Variants in CERS3 observed in about 807,000 individuals in gnomAD.
The protein encoded by CERS3 is ceramide synthase 3.
Under a neutral mutation model 50.3 loss-of-function variants are expected in CERS3, and 33 were observed. That is an observed-to-expected ratio of 0.66 (90% CI 0.50 to 0.88). CERS3 has a LOEUF of 0.88. Ranked by LOEUF, CERS3 falls within the 40% of genes least tolerant of loss-of-function variation. The pLI, the probability that CERS3 is intolerant of heterozygous loss-of-function variation, is 0.00. For missense variants in CERS3, 470 were observed against 460.3 expected (o/e 1.02, Z -0.19); for synonymous variants, 176 against 155.2 (o/e 1.13, Z -0.99).
intron 11 of CERS3, among the ~76,000 whole-genome samples, chr15:100,434,771 C>T (rs535010381): frequency 6.6e-6 from 1 of 152,336 alleles, no homozygotes. Flanking sequence ...CAAACTGTGC[C>T]TGTGCCCCGG....
At chr15:100,462,694 A>T (rs762362749) in intron 10 of CERS3, among the ~76,000 whole-genome samples, 3 of 152,092 alleles carry the variant, frequency 2.0e-5, no homozygotes, top group Admixed American at 1.3e-4. Context: ...AAGTACCTTA[A>T]CTCTTCATCT....
chr15:100,476,159 T>G lies in CERS3; in HGVS notation c.536A>C (p.Tyr179Ser), dbSNP rs771120213. The G allele has an allele frequency of 8.9e-6, 14 of 1,576,732 alleles. No homozygotes were observed. Among genetic ancestry groups the G allele is most frequent in the African/African-American group, 1.4e-5 (1 of 72,080 alleles). ...YPKQPLLPSQ[Y>S]WYYILEMSFY... ...ACTCATTTCTAAAATGTAGTACCAG[T>G]ACTGGGATGGCAGCAGGGGCTGAGG... The change falls in exon 8 of 12, where the codon TAC becomes TCC. Residue 179 changes from tyrosine to serine, a missense_variant. Tyr to Ser is a moderately radical substitution (Grantham distance 144, BLOSUM62 -2). Transcript: ENST00000679737.
At chr15:100,542,146 TC>T (rs1348220377) in intron 1 of CERS3, among the ~76,000 whole-genome samples, 1 of 152,016 alleles carries the variant, frequency 6.6e-6, no homozygotes, top group African/African-American at 2.4e-5. Flanking sequence ...TAAAAAAAAA[TC>T]TTTTATCAAA....
rs895569436 is a variant in CERS3 at position 100,476,142 on chromosome 15, C to T, written c.553G>A (p.Glu185Lys). The change falls in exon 8 of 12, where the codon GAA (glutamate) becomes AAA (lysine). Residue 185 changes from glutamate (E) to lysine (K), a missense_variant. By Grantham distance (56) the Glu-to-Lys change is moderately conservative. Transcript: ENST00000679737. ...LPSQYWYYIL[E>K]MSFYWSLLFR... ...AACAGAGACCAATAAAAACTCATTT[C>T]TAAAATGTAGTACCAGTACTGGGAT... The T allele has an allele frequency of 1.3e-6, 2 of 1,584,332 alleles. No individual in the cohort carries two copies. Among genetic ancestry groups the T allele is most frequent in the Non-Finnish European group, 1.7e-6 (2 of 1,169,326 alleles).
intron 11 of CERS3, among the ~76,000 whole-genome samples, chr15:100,417,722 A>G (rs1422328081): frequency 6.6e-6 from 1 of 151,954 alleles, no homozygotes; most frequent in Non-Finnish European, 1.5e-5. Context: ...CCCAGCACGC[A>G]GCTGGAGATC....
intron 11 of CERS3, among the ~76,000 whole-genome samples, chr15:100,449,355 C>A (rs1330880425): frequency 6.6e-6 from 1 of 152,222 alleles, no homozygotes; most frequent in African/African-American, 2.4e-5. Context: ...ACCGCCATTG[C>A]CCATGCCACA....
At chr15:100,434,713 TA>T (rs2033309667) in intron 11 of CERS3, among the ~76,000 whole-genome samples, 3 of 152,254 alleles carry the variant, frequency 2.0e-5, no homozygotes, top group East Asian at 3.9e-4. Context: ...AACACATTAA[TA>T]AAACTCTCAT....
intron 11 of CERS3, 150 bp from the exon 12 acceptor site, chr15:100,403,015 G>C (rs1445195491): frequency 1.3e-6 from 1 of 756,600 alleles, no homozygotes; most frequent in African/African-American, 1.8e-5. Flanking sequence ...CTATATCATG[G>C]ATCATAAAGC....
intron 11 of CERS3, among the ~76,000 whole-genome samples, chr15:100,416,604 T>G (rs1418282608): frequency 1.3e-5 from 2 of 152,186 alleles, no homozygotes; most frequent in African/African-American, 2.4e-5. Context: ...AGCAAGGACC[T>G]TCTTCACATG....
chr15:100,454,208 T>G (rs376276398), intron 11 of CERS3, among the ~76,000 whole-genome samples: 1 of 151,964 alleles, frequency 6.6e-6, no homozygotes, highest in Admixed American at 6.6e-5. Flanking sequence ...CTGGAAAACA[T>G]AGAGACCCCA....
intron 2 of CERS3, among the ~76,000 whole-genome samples, chr15:100,513,101 C>A (rs998762903): frequency 3.3e-5 from 5 of 152,184 alleles, no homozygotes; most frequent in African/African-American, 1.2e-4. Flanking sequence ...CGAGCCAGAG[C>A]TCTCCCCTCA....
chr15:100,411,414 G>A (rs993724459), intron 11 of CERS3, among the ~76,000 whole-genome samples: 5 of 152,016 alleles, frequency 3.3e-5, no homozygotes, highest in Admixed American at 6.6e-5. Flanking sequence ...CACCCGCCTC[G>A]GGCTCCCAAA....
At chr15:100,523,700 C>CAAAAAAAAAAAAAAAAAA (rs34875423) in intron 1 of CERS3, among the ~76,000 whole-genome samples, 2 of 51,508 alleles carry the variant, frequency 3.9e-5, no homozygotes, top group Non-Finnish European at 4.5e-5. Context: ...GACTCCATCT[C>CAAAAAAAAAAAAAAAAAA]AAAAAAAAAA....
At chr15:100,447,529 T>C (rs111513928) in intron 11 of CERS3, among the ~76,000 whole-genome samples, 4 of 152,356 alleles carry the variant, frequency 2.6e-5, no homozygotes, top group African/African-American at 7.2e-5. Flanking sequence ...TGGTCATTCG[T>C]ATTTGGTTCA....
chr15:100,414,936 G>C (rs181449192), intron 11 of CERS3, among the ~76,000 whole-genome samples: 1 of 151,934 alleles, frequency 6.6e-6, no homozygotes, highest in Non-Finnish European at 1.5e-5. Context: ...TTGACAAATG[G>C]GATCTAATTA....
intron 11 of CERS3, among the ~76,000 whole-genome samples, chr15:100,427,685 T>C (rs764272569): frequency 3.9e-5 from 6 of 152,248 alleles, no homozygotes; most frequent in African/African-American, 7.2e-5. Flanking sequence ...TGGGAAGTAC[T>C]GTCCCAGACT....
intron 1 of CERS3, among the ~76,000 whole-genome samples, chr15:100,536,813 C>T (rs574949819): frequency 6.6e-5 from 10 of 152,234 alleles, no homozygotes; most frequent in African/African-American, 2.4e-4. Context: ...ATGAGTTGCA[C>T]CACCACTAAA....
intron 1 of CERS3, among the ~76,000 whole-genome samples, chr15:100,527,951 C>T (rs934817627): frequency 2.6e-5 from 4 of 152,194 alleles, no homozygotes; most frequent in African/African-American, 7.2e-5. Flanking sequence ...AAACAAAAGG[C>T]TTGTAGGGGG....
chr15:100,521,963 C>T (rs1043128794), intron 1 of CERS3, among the ~76,000 whole-genome samples: 1 of 152,144 alleles, frequency 6.6e-6, no homozygotes, highest in African/African-American at 2.4e-5. Context: ...CAAGAATTTG[C>T]ACATAGAAAT....
Sources: allele counts gnomAD v4.1 joint callset (sites outside exome capture counted in the v4.1 genomes callset), GRCh38; gene constraint gnomAD v4.1.1; transcripts MANE v1.5; gene names NCBI Gene and HGNC (gene_info 2026-07-23, HGNC 2026-07-21).